CACNA2D3: variants seen among roughly 807,000 people sequenced by gnomAD.
CACNA2D3 encodes the protein calcium voltage-gated channel auxiliary subunit alpha2delta 3.
Under a neutral mutation model 160.6 loss-of-function variants are expected in CACNA2D3, and 60 were observed. That is an observed-to-expected ratio of 0.37 (90% CI 0.30 to 0.46). CACNA2D3 has a LOEUF of 0.46. CACNA2D3 is among the 20% of genes least tolerant of loss of function. CACNA2D3 has a pLI of 1.00. For synonymous variants in CACNA2D3, 558 were observed against 492.9 expected (o/e 1.13, Z -1.75); for missense variants, 1,205 against 1,365.0 (o/e 0.88, Z 1.85).
At chr3:54,432,944 C>T (rs1700010417) in intron 4 of CACNA2D3, among the ~76,000 whole-genome samples, 3 of 150,778 alleles carry the variant, frequency 2.0e-5, no homozygotes, top group African/African-American at 7.3e-5. Flanking sequence ...ATGCCTTTTG[C>T]GTGGGTCAAA....
intron 4 of CACNA2D3, among the ~76,000 whole-genome samples, chr3:54,482,444 A>G (rs993689310): frequency 2.6e-5 from 4 of 152,234 alleles, no homozygotes; most frequent in African/African-American, 4.8e-5. Flanking sequence ...CTTCATTACT[A>G]GCAAGCAGGG....
At chr3:54,894,691 C>T in intron 25 of CACNA2D3, 1 of 491,314 alleles carries the variant, frequency 2.0e-6, no homozygotes, top group Non-Finnish European at 4.1e-6. Flanking sequence ...TGCATCCTGC[C>T]ATGGGCCAGG....
intron 2 of CACNA2D3, among the ~76,000 whole-genome samples, chr3:54,274,744 A>T (rs567215373): frequency 9.9e-5 from 15 of 151,958 alleles, no homozygotes; most frequent in South Asian, 4.1e-4. Flanking sequence ...GCTAGGGGGG[A>T]ACTGCATCCA....
At chr3:54,873,900 T>C (rs371729986) in intron 18 of CACNA2D3, among the ~76,000 whole-genome samples, 3 of 152,370 alleles carry the variant, frequency 2.0e-5, no homozygotes, top group African/African-American at 4.8e-5. Context: ...GAAAGCATCA[T>C]TGTGAAGTCT....
At chr3:54,737,687 T>C (rs1449694901) in intron 11 of CACNA2D3, among the ~76,000 whole-genome samples, 1 of 152,136 alleles carries the variant, frequency 6.6e-6, no homozygotes, top group Non-Finnish European at 1.5e-5. Flanking sequence ...TTTTTTGAGA[T>C]GGAGTCTCAC....
intron 3 of CACNA2D3, among the ~76,000 whole-genome samples, chr3:54,321,979 T>C (rs1388457564): frequency 6.6e-6 from 1 of 150,856 alleles, no homozygotes; most frequent in Non-Finnish European, 1.5e-5. Flanking sequence ...GGGGGACATA[T>C]TATTTTAGCA....
intron 5 of CACNA2D3, among the ~76,000 whole-genome samples, chr3:54,522,031 C>G (rs1386845678): frequency 6.6e-6 from 1 of 152,148 alleles, no homozygotes; most frequent in Non-Finnish European, 1.5e-5. Flanking sequence ...AGGTCCCTTG[C>G]AATTCTACAT....
intron 13 of CACNA2D3, among the ~76,000 whole-genome samples, chr3:54,779,105 CT>C (rs71294745): frequency 3.0e-4 from 44 of 148,646 alleles, no homozygotes; most frequent in African/African-American, 7.6e-4. Context: ...AACAGAAGGG[CT>C]TTTTTTTTTG....
At chr3:54,230,700 C>T (rs1259247744) in intron 2 of CACNA2D3, among the ~76,000 whole-genome samples, 1 of 152,144 alleles carries the variant, frequency 6.6e-6, no homozygotes, top group Admixed American at 6.5e-5. Context: ...ATGTTACCTC[C>T]ACAGTCTTAT....
intron 11 of CACNA2D3, among the ~76,000 whole-genome samples, chr3:54,673,665 CTT>C (rs762839385): frequency 2.6e-5 from 4 of 152,228 alleles, no homozygotes; most frequent in Non-Finnish European, 5.9e-5. Context: ...TTTGAAATAA[CTT>C]TGAAAAATAT....
At chr3:54,621,088 C>G (rs1698977591) in intron 9 of CACNA2D3, among the ~76,000 whole-genome samples, 1 of 152,168 alleles carries the variant, frequency 6.6e-6, no homozygotes, top group Non-Finnish European at 1.5e-5. Flanking sequence ...TGATAGATGG[C>G]TATTAGCCTC....
At chr3:54,221,684 G>T (rs1701575216) in intron 2 of CACNA2D3, among the ~76,000 whole-genome samples, 1 of 152,130 alleles carries the variant, frequency 6.6e-6, no homozygotes, top group African/African-American at 2.4e-5. Flanking sequence ...ACAAATTGGT[G>T]TTGTGTTTGT....
At chr3:54,704,469 G>A (rs930037295) in intron 11 of CACNA2D3, among the ~76,000 whole-genome samples, 4 of 151,700 alleles carry the variant, frequency 2.6e-5, no homozygotes, top group South Asian at 2.1e-4. Context: ...TTTAATACCT[G>A]GCTAATAGGT....
intron 4 of CACNA2D3, among the ~76,000 whole-genome samples, chr3:54,499,536 A>G (rs1181066039): frequency 6.6e-6 from 1 of 152,054 alleles, no homozygotes; most frequent in African/African-American, 2.4e-5. Context: ...CTTCTGATAC[A>G]TGTGTTCAGT....
chr3:54,276,787 A>C (rs1389058203), intron 2 of CACNA2D3, among the ~76,000 whole-genome samples: 1 of 152,092 alleles, frequency 6.6e-6, no homozygotes, highest in Non-Finnish European at 1.5e-5. Flanking sequence ...AAAGGTCCAA[A>C]TTGTTTATTT....
chr3:54,298,369 A>G (rs1703387149), intron 2 of CACNA2D3, among the ~76,000 whole-genome samples: 1 of 152,274 alleles, frequency 6.6e-6, no homozygotes, highest in African/African-American at 2.4e-5. Context: ...ACGAGAAATA[A>G]TTTTGAACAA....
At chr3:54,527,485 G>A (rs949106648) in intron 5 of CACNA2D3, among the ~76,000 whole-genome samples, 2 of 152,174 alleles carry the variant, frequency 1.3e-5, no homozygotes, top group African/African-American at 2.4e-5. Flanking sequence ...AAGGGGAGTA[G>A]TAGCCTCAAG....
chr3:54,972,312 G>T (rs1054701058), intron 29 of CACNA2D3, among the ~76,000 whole-genome samples: 1 of 152,152 alleles, frequency 6.6e-6, no homozygotes, highest in South Asian at 2.1e-4. Flanking sequence ...GCTGTCATCC[G>T]TTGTCCTCTT....
intron 27 of CACNA2D3, among the ~76,000 whole-genome samples, chr3:54,921,743 T>G (rs4955908): frequency 0.62 from 93,568 of 151,882 alleles, 29,002 homozygotes; most frequent in East Asian, 0.76. Context: ...GCTCGAGGGG[T>G]CTTATGTCCC....
Sources: allele counts gnomAD v4.1 joint callset (sites outside exome capture counted in the v4.1 genomes callset), GRCh38; gene constraint gnomAD v4.1.1; transcripts MANE v1.5; gene names NCBI Gene and HGNC (gene_info 2026-07-23, HGNC 2026-07-21).